The following PRDM2 variants were observed in gnomAD, a reference collection of about 807,000 sequenced individuals.
PRDM2 encodes the protein PR/SET domain 2.
In PRDM2, 30 loss-of-function variants were observed where a neutral mutation model predicts 130.0. That is an observed-to-expected ratio of 0.23 (90% CI 0.17 to 0.31). The LOEUF is 0.31. Ranked by LOEUF, PRDM2 falls within the 10% of genes least tolerant of loss-of-function variation. PRDM2 has a pLI of 1.00. For missense variants in PRDM2, 2,011 were observed against 2,108.4 expected (o/e 0.95, Z 0.90); for synonymous variants, 871 against 782.4 (o/e 1.11, Z -1.89).
At position 13,745,841 on chromosome 1, in the gene PRDM2, T is replaced by C. The variant is rs534544884; in HGVS notation, c.385-3520T>C. Among the ~76,000 whole-genome samples the C allele has an allele frequency of 3.9e-5, 6 of 152,296 alleles. 1 individual carries two copies. In the South Asian group the frequency reaches 1.2e-3, roughly 32 times the overall value. The stretch of plus-strand genomic sequence containing the variant: ...CTGCAGGGATGGATGAGTTTTAGGC[T>C]TAAGTGCTGTTCACCCACTGGCGAG... On this transcript the variant is annotated intron_variant, in intron 5 of 9. Transcript: ENST00000311066.
intron 8 of PRDM2, chr1:13,786,776 C>T (rs1426150298): frequency 2.2e-6 from 3 of 1,337,536 alleles, no homozygotes; most frequent in African/African-American, 3.0e-5. Flanking sequence ...CACTGTAAGA[C>T]AGGCCAGATG....
chr1:13,765,858 A>C lies in PRDM2; in HGVS notation c.512-7220A>C, dbSNP rs574436556. On this transcript the variant is annotated intron_variant, in intron 6 of 9. Transcript: ENST00000311066. ...TCTATTACAGATTGTAATTTTTAAA[A>C]ATTTTATAGGAGTCATTTAACATGT... is the stretch of plus-strand genomic sequence containing the variant. 2.6e-5 allele frequency among the ~76,000 whole-genome samples: 4 copies of C among 152,224 alleles called. No individual in the cohort carries two copies. In the South Asian group the frequency reaches 8.3e-4, roughly 32 times the overall value.
intron 6 of PRDM2, among the ~76,000 whole-genome samples, chr1:13,763,670 A>G (rs980532350): frequency 1.3e-5 from 2 of 152,222 alleles, no homozygotes; most frequent in African/African-American, 4.8e-5. Context: ...CTCAACCAAT[A>G]AAAACATTTT....
chr1:13,772,753 C>T (rs976867077), intron 6 of PRDM2, among the ~76,000 whole-genome samples: 1 of 152,152 alleles, frequency 6.6e-6, no homozygotes, highest in Non-Finnish European at 1.5e-5. Flanking sequence ...TACTAATTTT[C>T]CTTTGACATC....
In PRDM2 at chr1:13,749,409, A is replaced by G; in HGVS notation, c.433A>G (p.Asn145Asp). 6.6e-7 allele frequency: 1 copy of G among 1,505,056 alleles called. No homozygotes were observed. 93.2% of individuals were successfully genotyped at this position (1,505,056 alleles called of 1,614,324 possible). Residue 145 changes from asparagine to aspartate, a missense_variant, in exon 6 of 10, where the codon AAC becomes GAC. Around this residue, in one of 5 missense-constraint regions of PRDM2, gnomAD observed 1,288 missense variants for 1,237.7 expected, o/e 1.04. Coordinates refer to ENST00000311066, the MANE Select transcript of PRDM2 (RefSeq NM_001393986.1). ...ELLVWYNGED[N>D]PEIAAAIEEE... Reference sequence around the variant, plus strand: ...CCTGGTCTGGTACAATGGGGAAGACAACCCTGAGATAGCAGCTGCGATTGA... The same window carrying G: ...CCTGGTCTGGTACAATGGGGAAGACGACCCTGAGATAGCAGCTGCGATTGA...
rs1414113563 is a variant in PRDM2 at position 13,782,504 on chromosome 1, C to G, written c.4709C>G (p.Ser1570Cys). The G allele has an allele frequency of 1.9e-6, 3 of 1,614,110 alleles. No individual in the cohort carries two copies. The highest frequency in any genetic ancestry group is 2.2e-5 in the South Asian group (2 of 91,082). Reference protein sequence around the residue: ...AASVKSKKPSSSSLRNSSPIR... With the variant: ...AASVKSKKPSCSSLRNSSPIR... ...TCGGTGAAATCCAAAAAACCAAGCT[C>G]CTCCTCTTTAAGGAACTCCAGCCCG... The change falls in exon 8 of 10, where the codon TCC becomes TGC. Residue 1570 changes from serine (S) to cysteine (C), a missense_variant. Transcript: ENST00000311066.
intron 9 of PRDM2, among the ~76,000 whole-genome samples, chr1:13,821,107 C>T (rs1645343642): frequency 6.6e-6 from 1 of 152,094 alleles, no homozygotes; most frequent in Non-Finnish European, 1.5e-5. Flanking sequence ...CTGGAGCTAT[C>T]CCTTCAGTGG....
Position 13,823,456 on chromosome 1 carries a change from G to T in PRDM2, c.*321G>T. The T allele has an allele frequency of 2.0e-6, 1 of 504,260 alleles. No individual in the cohort carries two copies. The highest frequency in any genetic ancestry group is 3.5e-6 in the Non-Finnish European group (1 of 282,828). 31.2% of individuals were successfully genotyped at this position (504,260 alleles called of 1,614,324 possible). On this transcript the variant is annotated 3_prime_UTR_variant, in exon 10 of 10. Coordinates refer to ENST00000311066, the MANE Select transcript of PRDM2 (RefSeq NM_001393986.1). ...CAGCCCAGCCTTCCTGTTGGGGTGG[G>T]GCCTCTCCTACTATGCAATTTTTCA...
intron 3 of PRDM2, 116 bp from the exon 4 acceptor site, chr1:13,732,663 A>G: frequency 1.5e-6 from 1 of 661,650 alleles, no homozygotes; most frequent in Non-Finnish European, 2.5e-6. Context: ...TTTTAACATT[A>G]GCTTGATTTA....
chr1:13,748,454 C>G (rs1643683817), intron 5 of PRDM2, among the ~76,000 whole-genome samples: 2 of 152,202 alleles, frequency 1.3e-5, no homozygotes, highest in Admixed American at 1.3e-4. Context: ...CATTCATTCA[C>G]ATGAGGCTGG....
chr1:13,729,416 A>G (rs1036926842), intron 2 of PRDM2, among the ~76,000 whole-genome samples: 6 of 152,200 alleles, frequency 3.9e-5, no homozygotes, highest in Non-Finnish European at 7.3e-5. Flanking sequence ...ACTCTGGCTA[A>G]TATTTGTTAA....
In PRDM2 at chr1:13,780,924, C is replaced by G. The variant is rs760197756; in HGVS notation, c.3129C>G (p.Ala1043=). The part of the protein sequence containing the change: ...PIPPVEPLMS[A]ASPGPPTLSS... ...CTCCCGTGGAGCCCCTGATGTCTGCCGCCTCACCCGGGCCTCCAACACTTT... is the reference window on the plus strand; with the variant it reads ...CTCCCGTGGAGCCCCTGATGTCTGCGGCCTCACCCGGGCCTCCAACACTTT... The change falls in exon 8 of 10, where the codon GCC becomes GCG. Residue 1043 remains alanine (A), a synonymous_variant. Coordinates refer to ENST00000311066, the MANE Select transcript of PRDM2 (RefSeq NM_001393986.1). The G allele has an allele frequency of 1.2e-6, 2 of 1,612,888 alleles. No individual in the cohort carries two copies. Among genetic ancestry groups the G allele is most frequent in the East Asian group, 2.2e-5 (1 of 44,870 alleles).
intron 8 of PRDM2, among the ~76,000 whole-genome samples, chr1:13,815,217 C>T (rs918777577): frequency 1.3e-5 from 2 of 152,160 alleles, no homozygotes; most frequent in Admixed American, 6.5e-5. Flanking sequence ...AGCGATTCTC[C>T]TGCCTCAGCC....
intron 6 of PRDM2, 45 bp downstream of exon 6, chr1:13,749,532 G>C (rs1485372494): frequency 5.6e-5 from 66 of 1,178,346 alleles, no homozygotes; most frequent in Non-Finnish European, 6.7e-5. Flanking sequence ...CGCCACGCCC[G>C]CCCAGGACGC....
intron 4 of PRDM2, chr1:13,739,046 T>C (rs1039672953): frequency 6.6e-6 from 1 of 151,994 alleles, no homozygotes; most frequent in Non-Finnish European, 1.5e-5. Flanking sequence ...TTTTTTTTCT[T>C]TATTCCTTTT....
intron 6 of PRDM2, among the ~76,000 whole-genome samples, chr1:13,770,914 G>A (rs1161497792): frequency 6.6e-6 from 1 of 152,194 alleles, no homozygotes; most frequent in Non-Finnish European, 1.5e-5. Flanking sequence ...TGTTATGTCA[G>A]TAGTCATTAT....
intron 8 of PRDM2, among the ~76,000 whole-genome samples, chr1:13,795,100 ATTTCTT>A (rs1490153286): frequency 2.6e-5 from 4 of 152,192 alleles, no homozygotes; most frequent in African/African-American, 9.7e-5. Flanking sequence ...GTAACTTTCT[ATTTCTT>A]TTGGTTTTGA....
intron 8 of PRDM2, among the ~76,000 whole-genome samples, chr1:13,785,268 G>A (rs896142765): frequency 2.0e-5 from 3 of 152,098 alleles, no homozygotes; most frequent in African/African-American, 7.2e-5. Context: ...TCTATTACAT[G>A]TCGAGGAATA....
intron 6 of PRDM2, among the ~76,000 whole-genome samples, chr1:13,760,994 C>G (rs2100584450): frequency 6.6e-6 from 1 of 152,324 alleles, no homozygotes; most frequent in Middle Eastern, 3.4e-3. Flanking sequence ...GGATCTGCAC[C>G]TAAATAGCTA....
Sources: allele counts gnomAD v4.1 joint callset (sites outside exome capture counted in the v4.1 genomes callset), GRCh38; gene constraint gnomAD v4.1.1; regional missense constraint gnomAD v4.1.1; transcripts MANE v1.5; gene names NCBI Gene and HGNC (gene_info 2026-07-23, HGNC 2026-07-21).